Variants in RIMBP2 observed in about 807,000 individuals in gnomAD.
RIMBP2 encodes RIMS binding protein 2.
A neutral mutation model predicts 118.6 loss-of-function variants in RIMBP2; 48 were observed. The observed-to-expected ratio is 0.40, with a 90% CI of 0.32 to 0.51. The LOEUF (loss-of-function observed/expected upper bound fraction) is 0.51, where lower values mean the gene tolerates loss of function less well. RIMBP2 is among the 20% of genes least tolerant of loss of function. RIMBP2 has a pLI of 0.41. For missense variants in RIMBP2, 1,551 were observed against 1,768.3 expected (o/e 0.88, Z 2.20); for synonymous variants, 762 against 742.9 (o/e 1.03, Z -0.42).
chr12:130,545,068 C>G (rs1322787962), intron 2 of RIMBP2, among the ~76,000 whole-genome samples: 1 of 152,158 alleles, frequency 6.6e-6, no homozygotes, highest in Non-Finnish European at 1.5e-5. Flanking sequence ...ATCTCACATT[C>G]ACTTATAAAA....
intron 2 of RIMBP2, among the ~76,000 whole-genome samples, chr12:130,583,466 T>C (rs2058607599): frequency 8.3e-6 from 1 of 120,048 alleles, no homozygotes; most frequent in Non-Finnish European, 1.9e-5. Context: ...TCATGACCAT[T>C]ACATCACCAT....
At chr12:130,540,979 A>G in intron 2 of RIMBP2, among the ~76,000 whole-genome samples, 1 of 152,120 alleles carries the variant, frequency 6.6e-6, no homozygotes, top group African/African-American at 2.4e-5. Flanking sequence ...ATCCACAGAG[A>G]TGGAACCAGA....
rs1328251994 is a variant in RIMBP2, at chr12:130,670,237, A to C, written c.-351-41781T>G. ...GGAGCACAGCCCCGCCGACACCATGATCCCGGCCCCAGGACCTCAGACTTC... is the reference window on the plus strand; with the variant it reads ...GGAGCACAGCCCCGCCGACACCATGCTCCCGGCCCCAGGACCTCAGACTTC... On this transcript the variant is annotated intron_variant, in intron 1 of 22. Coordinates refer to ENST00000690449, the MANE Select transcript of RIMBP2 (RefSeq NM_001393629.1). The surrounding 1 kb of genome is among the most constrained non-coding windows in gnomAD (Gnocchi z 4.9). 2.6e-5 allele frequency among the ~76,000 whole-genome samples: 4 copies of C among 151,980 alleles called. No individual in the cohort carries two copies. The highest frequency in any genetic ancestry group is 5.9e-5 in the Non-Finnish European group (4 of 67,984).
In RIMBP2 at chr12:130,424,926, G is replaced by C; in HGVS notation, c.2413-68C>G. 1.0e-6 allele frequency: 1 copy of C among 967,278 alleles called. No individual in the cohort carries two copies. The highest frequency in any genetic ancestry group is 1.3e-6 in the Non-Finnish European group (1 of 746,494). The allele number at this position is 967,278 out of a possible 1,614,324, so 59.9% of individuals were successfully genotyped here. ...GTGGTCAGCATGAAGTGGGGGCCAG[G>C]GGAGGAAAGAAAATACAGACAGAAT... On this transcript the variant is annotated intron_variant, in intron 15 of 22. Transcript: ENST00000690449. The surrounding 1 kb of genome is among the most constrained non-coding windows in gnomAD (Gnocchi z 9.8).
chr12:130,405,665 G>A (rs1350730286), intron 21 of RIMBP2, among the ~76,000 whole-genome samples: 1 of 140,796 alleles, frequency 7.1e-6, no homozygotes, highest in East Asian at 2.5e-4. Flanking sequence ...GGAATCACCA[G>A]CAGCAAGGGG....
intron 14 of RIMBP2, chr12:130,432,006 A>ACC (rs2077182086): frequency 1.1e-5 from 2 of 188,532 alleles, no homozygotes; most frequent in African/African-American, 4.7e-5. Flanking sequence ...AGGTGGCCAC[A>ACC]TGTCAAGGGC....
At chr12:130,631,016 C>G (rs1566403424) in intron 1 of RIMBP2, among the ~76,000 whole-genome samples, 1 of 150,874 alleles carries the variant, frequency 6.6e-6, no homozygotes, top group East Asian at 1.9e-4. Flanking sequence ...CTACCCTAAA[C>G]AGGGATAGAG....
chr12:130,669,137 A>G (rs1308947789), intron 1 of RIMBP2: 1 of 152,540 alleles, frequency 6.6e-6, no homozygotes. Flanking sequence ...TGCACAGGGA[A>G]CAGCCCAAAC....
chr12:130,617,730 C>A lies in RIMBP2; in HGVS notation c.-217+10592G>T, dbSNP rs1156538956. Among the ~76,000 whole-genome samples, 2 of 152,204 alleles carry A rather than the reference C, an allele frequency of 1.3e-5. No homozygotes were observed. Among genetic ancestry groups the A allele is most frequent in the Non-Finnish European group, 2.9e-5 (2 of 68,042 alleles). Reference sequence around the variant, plus strand: ...CAGTCCTCGAAGGTCCGCAGATGCACCCCAGTTCTGAATTCACAGAATGCA... The same window carrying A: ...CAGTCCTCGAAGGTCCGCAGATGCAACCCAGTTCTGAATTCACAGAATGCA... On this transcript the variant is annotated intron_variant, in intron 2 of 22. Coordinates refer to ENST00000690449, the MANE Select transcript of RIMBP2 (RefSeq NM_001393629.1). This position sits in a 1 kb window ranked among gnomAD's most constrained non-coding sequence, Gnocchi z 4.6.
At chr12:130,585,390 C>G in intron 2 of RIMBP2, among the ~76,000 whole-genome samples, 1 of 152,138 alleles carries the variant, frequency 6.6e-6, no homozygotes, top group Non-Finnish European at 1.5e-5. Flanking sequence ...TCACAGCCCA[C>G]ACACATTTTG....
intron 13 of RIMBP2, among the ~76,000 whole-genome samples, chr12:130,435,152 TCTC>T (rs1051402573): frequency 6.6e-6 from 1 of 151,364 alleles, no homozygotes; most frequent in Non-Finnish European, 1.5e-5. Context: ...TTCAAGCAAT[TCTC>T]CTGCCACAGC....
rs1332901163 is a variant in RIMBP2 at position 130,475,842 on chromosome 12, G to A, written c.102+3070C>T. 1.3e-5 allele frequency among the ~76,000 whole-genome samples: 2 copies of A among 152,128 alleles called. No individual in the cohort carries two copies. The highest frequency in any genetic ancestry group is 4.8e-5 in the African/African-American group (2 of 41,430). On this transcript the variant is annotated intron_variant, in intron 5 of 22. Coordinates refer to ENST00000690449, the MANE Select transcript of RIMBP2 (RefSeq NM_001393629.1). This position sits in a 1 kb window ranked among gnomAD's most constrained non-coding sequence, Gnocchi z 4.1. ...GGAGCTCAAGGAGTTCAGCAGAAGT[G>A]CAGGTGTTGGTGAGGACAGAGGGGA... is the stretch of plus-strand genomic sequence containing the variant.
At chr12:130,473,471 C>T (rs1342136217) in intron 5 of RIMBP2, among the ~76,000 whole-genome samples, 1 of 152,184 alleles carries the variant, frequency 6.6e-6, no homozygotes, top group African/African-American at 2.4e-5. Context: ...GGGCAGATTC[C>T]CTGTGGCCGA....
At chr12:130,548,762 C>T (rs865978560) in intron 2 of RIMBP2, among the ~76,000 whole-genome samples, 56 of 151,532 alleles carry the variant, frequency 3.7e-4, no homozygotes, top group Admixed American at 2.6e-3. Context: ...TTAGTAGAGA[C>T]GGGGTTTCAC....
rs1460994284 is a variant in RIMBP2, at chr12:130,412,654, C to T, written c.3554G>A (p.Gly1185Asp). The T allele has an allele frequency of 5.0e-6, 8 of 1,613,918 alleles. No individual in the cohort carries two copies. Among genetic ancestry groups the T allele is most frequent in the Non-Finnish European group, 6.8e-6 (8 of 1,179,956 alleles). ...CACAGGTGTATTCAGAGGGAGAAAG[C>T]CCTGTCTAAGAAGCTGATCCATCAT... is the stretch of plus-strand genomic sequence containing the variant. ...EEMMDQLLRQ[G>D]FLPLNTPVEK... The change falls in exon 19 of 23, where the codon GGC (glycine) becomes GAC (aspartate). Residue 1185 changes from glycine (G) to aspartate (D), a missense_variant. Gly to Asp is a moderately conservative substitution (Grantham distance 94). Transcript: ENST00000690449.
chr12:130,510,487 G>T (rs1290650438), intron 3 of RIMBP2, among the ~76,000 whole-genome samples: 1 of 151,572 alleles, frequency 6.6e-6, no homozygotes, highest in African/African-American at 2.4e-5. Context: ...CTTTTTTTTT[G>T]AGATGGAGTC....
At chr12:130,508,615 G>A (rs117576650) in intron 3 of RIMBP2, among the ~76,000 whole-genome samples, 130 of 151,858 alleles carry the variant, frequency 8.6e-4, no homozygotes, top group Non-Finnish European at 1.4e-3. Context: ...CTGCCTCCAT[G>A]CCCCTCCCTC....
At chr12:130,685,140 C>T (rs1202361495) in intron 1 of RIMBP2, among the ~76,000 whole-genome samples, 1 of 152,144 alleles carries the variant, frequency 6.6e-6, no homozygotes, top group African/African-American at 2.4e-5. Flanking sequence ...TCCCCCACAC[C>T]GGGGACAATG....
chr12:130,466,347 T>C (rs1197872841), intron 6 of RIMBP2: 1 of 152,218 alleles, frequency 6.6e-6, no homozygotes, highest in African/African-American at 2.4e-5. Flanking sequence ...TAAATCCTGA[T>C]GCACATCTTT....
Sources: allele counts gnomAD v4.1 joint callset (sites outside exome capture counted in the v4.1 genomes callset), GRCh38; gene constraint gnomAD v4.1.1; non-coding constraint Gnocchi (gnomAD v3.1); transcripts MANE v1.5; gene names NCBI Gene and HGNC (gene_info 2026-07-23, HGNC 2026-07-21).